The following KLF7 variants were observed in gnomAD, a reference collection of about 807,000 sequenced individuals.
KLF7 encodes Krueppel-like factor 7.
Under a neutral mutation model 27.3 loss-of-function variants are expected in KLF7, and 2 were observed. The ratio of observed to expected loss-of-function variants is 0.07; its 90% CI spans 0.03 to 0.23. KLF7 has a LOEUF of 0.23. KLF7 is among the 10% of genes least tolerant of loss of function. The probability of loss-of-function intolerance (pLI) is 1.00; values close to 1 mark genes in which losing one functional copy is unlikely to be tolerated. For missense variants in KLF7, 221 were observed against 394.1 expected (o/e 0.56, Z 3.72); for synonymous variants, 165 against 162.4 (o/e 1.02, Z -0.12).
chr2:207,134,759 G>A (rs575336302), intron 1 of KLF7, among the ~76,000 whole-genome samples: 2 of 152,150 alleles, frequency 1.3e-5, no homozygotes, highest in Non-Finnish European at 2.9e-5. Flanking sequence ...CAGACTGCCT[G>A]GGTCCAATAT....
chr2:207,101,830 T>G (rs1251888957), intron 2 of KLF7, among the ~76,000 whole-genome samples: 3 of 152,176 alleles, frequency 2.0e-5, no homozygotes, highest in African/African-American at 7.2e-5. Flanking sequence ...ACTATCATAT[T>G]GTTTGAGTAA....
At chr2:207,136,067 T>A (rs992885282) in intron 1 of KLF7, among the ~76,000 whole-genome samples, 5 of 152,222 alleles carry the variant, frequency 3.3e-5, no homozygotes, top group Non-Finnish European at 7.3e-5. Flanking sequence ...TCATTTTTTA[T>A]TGGTGAAAAG....
At chr2:207,163,174 G>A (rs557528564) in intron 1 of KLF7, among the ~76,000 whole-genome samples, 3 of 152,278 alleles carry the variant, frequency 2.0e-5, no homozygotes, top group East Asian at 3.9e-4. Context: ...TTGTGATTAC[G>A]GAGTCCAGAA....
chr2:207,111,092 T>C (rs1200489198), intron 2 of KLF7, among the ~76,000 whole-genome samples: 2 of 152,154 alleles, frequency 1.3e-5, no homozygotes, highest in Non-Finnish European at 2.9e-5. Flanking sequence ...TTGCTAAATG[T>C]TCCCTGAGGG....
At chr2:207,101,831 G>A (rs2076771649) in intron 2 of KLF7, among the ~76,000 whole-genome samples, 2 of 152,100 alleles carry the variant, frequency 1.3e-5, no homozygotes, top group South Asian at 2.1e-4. Flanking sequence ...CTATCATATT[G>A]TTTGAGTAAA....
chr2:207,127,517 T>C (rs1294399070), intron 1 of KLF7, among the ~76,000 whole-genome samples: 1 of 152,114 alleles, frequency 6.6e-6, no homozygotes, highest in African/African-American at 2.4e-5. Flanking sequence ...CCAACATTGT[T>C]TGTAAATGAT....
At chr2:207,099,598 A>C in intron 2 of KLF7, among the ~76,000 whole-genome samples, 1 of 113,426 alleles carries the variant, frequency 8.8e-6, no homozygotes, top group Admixed American at 8.9e-5. Flanking sequence ...CAATGGTATT[A>C]AAAAAAAAAC....
chr2:207,123,428 CTG>C (rs2105984890), intron 2 of KLF7, among the ~76,000 whole-genome samples: 1 of 152,242 alleles, frequency 6.6e-6, no homozygotes, highest in South Asian at 2.1e-4. Context: ...TTGATCAAAA[CTG>C]TGGAGCTACA....
intron 1 of KLF7, chr2:207,133,999 C>A (rs986307206): frequency 4.0e-6 from 5 of 1,251,452 alleles, no homozygotes; most frequent in African/African-American, 3.0e-5. Context: ...CACCCCCACC[C>A]GCTCCTGTTA....
chr2:207,156,134 C>G (rs139976997), intron 1 of KLF7, among the ~76,000 whole-genome samples: 332 of 152,322 alleles, frequency 2.2e-3, no homozygotes, highest in African/African-American at 7.7e-3. Context: ...GCCAACCATA[C>G]CCCCATCAAA....
chr2:207,114,533 T>C (rs1176041745), intron 2 of KLF7, among the ~76,000 whole-genome samples: 2 of 152,214 alleles, frequency 1.3e-5, no homozygotes, highest in African/African-American at 4.8e-5. Flanking sequence ...ATCTTGGTGC[T>C]CTTCTACACT....
intron 2 of KLF7, among the ~76,000 whole-genome samples, chr2:207,111,774 G>C (rs1420694211): frequency 2.0e-5 from 3 of 152,280 alleles, no homozygotes; most frequent in Admixed American, 2.0e-4. Context: ...ATGAGAGGAA[G>C]CCTCGGAAGT....
At position 207,078,998 on chromosome 2, in the gene KLF7, T is replaced by C. The variant is rs2076221817; in HGVS notation, c.*2215A>G. 1 of 152,150 alleles carries C rather than the reference T, an allele frequency of 6.6e-6. No homozygotes were observed. The highest frequency in any genetic ancestry group is 1.5e-5 in the Non-Finnish European group (1 of 68,030). 9.4% of individuals were successfully genotyped at this position (152,150 alleles called of 1,614,324 possible). A position where few individuals can be genotyped will look rare whatever the true frequency, so the allele number is the denominator to read the frequency against. On this transcript the variant is annotated 3_prime_UTR_variant, in exon 4 of 4. Transcript: ENST00000309446. ...CAATTGCCTCCGGCAAATGGACAGA[T>C]TTTGTGTGTGTGTGCGCGTGTGTGT...
intron 2 of KLF7, among the ~76,000 whole-genome samples, chr2:207,117,067 C>T (rs915314721): frequency 2.3e-4 from 35 of 152,066 alleles, no homozygotes; most frequent in Non-Finnish European, 8.8e-5. Context: ...TCTTTCTCCT[C>T]GATTCTTATT....
In KLF7 at chr2:207,123,754, C is replaced by T. The variant is rs376752721; in HGVS notation, c.733+20G>A. The T allele has an allele frequency of 6.6e-5, 106 of 1,596,000 alleles. No homozygotes were observed. Among genetic ancestry groups the T allele is most frequent in the Non-Finnish European group, 8.8e-5 (103 of 1,170,608 alleles). On this transcript the variant is annotated intron_variant, in intron 2 of 3. Coordinates refer to ENST00000309446, the MANE Select transcript of KLF7 (RefSeq NM_003709.4). Reference sequence around the variant, plus strand: ...AGGAGGGGAAAGAAGAAACCACGTGCGGCCAACTTGTACCACTACCTGTGT... The same window carrying T: ...AGGAGGGGAAAGAAGAAACCACGTGTGGCCAACTTGTACCACTACCTGTGT...
intron 2 of KLF7, among the ~76,000 whole-genome samples, chr2:207,096,314 C>A (rs1246282892): frequency 2.0e-5 from 3 of 152,316 alleles, no homozygotes; most frequent in East Asian, 3.9e-4. Flanking sequence ...TCACCAAATG[C>A]AACCAACAGC....
At chr2:207,156,232 T>C (rs1157845974) in intron 1 of KLF7, among the ~76,000 whole-genome samples, 2 of 152,220 alleles carry the variant, frequency 1.3e-5, no homozygotes, top group Admixed American at 6.5e-5. Context: ...TAAGGCTTCT[T>C]TGTGAAGATC....
intron 1 of KLF7, among the ~76,000 whole-genome samples, chr2:207,144,478 A>AG (rs2078040468): frequency 6.6e-6 from 1 of 152,100 alleles, no homozygotes; most frequent in Non-Finnish European, 1.5e-5. Flanking sequence ...CACCAACCCT[A>AG]TCCTTGTGTT....
intron 1 of KLF7, among the ~76,000 whole-genome samples, chr2:207,140,223 C>A (rs2077902930): frequency 6.6e-6 from 1 of 152,134 alleles, no homozygotes; most frequent in South Asian, 2.1e-4. Flanking sequence ...AACTTATAAA[C>A]ACAATTTATT....
Sources: allele counts gnomAD v4.1 joint callset (sites outside exome capture counted in the v4.1 genomes callset), GRCh38; gene constraint gnomAD v4.1.1; transcripts MANE v1.5; gene names NCBI Gene and HGNC (gene_info 2026-07-23, HGNC 2026-07-21).